GPD2: variants seen among roughly 807,000 people sequenced by gnomAD.
The protein encoded by GPD2 is glycerol-3-phosphate dehydrogenase, mitochondrial.
In GPD2, 54 loss-of-function variants were observed where a neutral mutation model predicts 82.4. That is an observed-to-expected ratio of 0.66 (90% CI 0.53 to 0.82). The LOEUF is 0.82. Ranked by LOEUF, GPD2 falls within the 40% of genes least tolerant of loss-of-function variation. The pLI, the probability that GPD2 is intolerant of heterozygous loss-of-function variation, is 0.00. For synonymous variants in GPD2, 288 were observed against 306.1 expected (o/e 0.94, Z 0.62); for missense variants, 748 against 896.2 (o/e 0.83, Z 2.11).
chr2:156,424,467 T>C, the GPD2 span, among the ~76,000 whole-genome samples: 1 of 152,172 alleles, frequency 6.6e-6, no homozygotes, highest in African/African-American at 2.4e-5. Context: ...TCTCATATTA[T>C]CCTGCAACTG....
intron 2 of GPD2, among the ~76,000 whole-genome samples, chr2:156,479,930 T>C (rs962447580): frequency 2.6e-5 from 4 of 152,188 alleles, no homozygotes; most frequent in African/African-American, 9.7e-5. Context: ...AGTACTGCGA[T>C]ATAAGCATTT....
At chr2:156,479,444 A>G (rs911988403) in intron 2 of GPD2, among the ~76,000 whole-genome samples, 9 of 152,158 alleles carry the variant, frequency 5.9e-5, no homozygotes, top group African/African-American at 2.2e-4. Context: ...CATATTAACA[A>G]TGCTATTACT....
intron 1 of GPD2, among the ~76,000 whole-genome samples, chr2:156,459,058 T>G (rs1021574883): frequency 6.6e-6 from 1 of 152,044 alleles, no homozygotes; most frequent in Non-Finnish European, 1.5e-5. Context: ...TTTATTTACT[T>G]TTGTTCTCTT....
intron 1 of GPD2, among the ~76,000 whole-genome samples, chr2:156,448,897 T>A (rs1682457561): frequency 6.6e-6 from 1 of 152,234 alleles, no homozygotes; most frequent in East Asian, 1.9e-4. Context: ...GTGCCAAAAT[T>A]AAGGAGTTAG....
chr2:156,496,228 TTTTTTTA>T lies in GPD2; in HGVS notation c.274+18_274+24del. ...GCTGTCACCAGAGGTAAGTCTTTTTTTTTTTTATTTTAATTTTAAGTTCTGGGGTACA... is the reference window on the plus strand; with the variant it reads ...GCTGTCACCAGAGGTAAGTCTTTTTTTTTTAATTTTAAGTTCTGGGGTACA... On this transcript the variant is annotated intron_variant, in intron 3 of 16. Transcript: ENST00000438166. The T allele has an allele frequency of 6.3e-7, 1 of 1,586,634 alleles. No individual in the cohort carries two copies. Among genetic ancestry groups the T allele is most frequent in the Non-Finnish European group, 8.6e-7 (1 of 1,156,970 alleles).
upstream of GPD2, among the ~76,000 whole-genome samples, chr2:156,431,472 G>A (rs537477944): frequency 6.6e-6 from 1 of 151,392 alleles, no homozygotes; most frequent in African/African-American, 2.4e-5. Context: ...AGAAGGGAAG[G>A]TTTTTGTTTT....
At chr2:156,546,764 T>G (rs924674289) in intron 6 of GPD2, among the ~76,000 whole-genome samples, 2 of 152,226 alleles carry the variant, frequency 1.3e-5, no homozygotes, top group Non-Finnish European at 1.5e-5. Flanking sequence ...CTCCCACTTA[T>G]TTAACATAAA....
intron 3 of GPD2, among the ~76,000 whole-genome samples, chr2:156,503,154 G>A (rs1339609426): frequency 6.6e-6 from 1 of 152,200 alleles, no homozygotes; most frequent in Non-Finnish European, 1.5e-5. Flanking sequence ...CCTGGGCCCA[G>A]AGAGTGGTCA....
At chr2:156,464,397 T>A (rs1244887904) in intron 1 of GPD2, among the ~76,000 whole-genome samples, 1 of 152,204 alleles carries the variant, frequency 6.6e-6, no homozygotes, top group East Asian at 1.9e-4. Context: ...TTGTTGTAGT[T>A]CCATTTATAC....
chr2:156,484,866 CAAAA>C (rs1360737144), intron 2 of GPD2, among the ~76,000 whole-genome samples: 1 of 152,064 alleles, frequency 6.6e-6, no homozygotes, highest in Non-Finnish European at 1.5e-5. Context: ...CAAACAAAAA[CAAAA>C]CCCAATTCTT....
In GPD2 at chr2:156,550,737, G is replaced by T. The variant is rs1175758124; in HGVS notation, c.962G>T (p.Gly321Val). 6.2e-7 allele frequency: 1 copy of T among 1,613,326 alleles called. No individual in the cohort carries two copies. Among genetic ancestry groups the T allele is most frequent in the Non-Finnish European group, 8.5e-7 (1 of 1,179,338 alleles). Residue 321 changes from glycine to valine, a missense_variant, in exon 8 of 17, where the codon GGT becomes GTT. This residue lies in a region of GPD2 where 692 missense variants were observed against 809.7 expected (regional missense o/e 0.85). Coordinates refer to ENST00000438166, the MANE Select transcript of GPD2 (RefSeq NM_000408.5). ...PSAGVHIVMP[G>V]YYSPESMGLL... ...GCTGGTGTCCATATTGTGATGCCTG[G>T]TTATTACAGGTAATTGTCTTCCAAT...
intron 2 of GPD2, among the ~76,000 whole-genome samples, chr2:156,482,922 G>A (rs1683787354): frequency 6.6e-6 from 1 of 152,102 alleles, no homozygotes; most frequent in African/African-American, 2.4e-5. Context: ...TTATGCTAAT[G>A]AGAGGCAAAG....
intron 1 of GPD2, among the ~76,000 whole-genome samples, chr2:156,466,505 A>G (rs1377667936): frequency 6.6e-6 from 1 of 152,242 alleles, no homozygotes; most frequent in Non-Finnish European, 1.5e-5. Context: ...TAGAAATGGT[A>G]GAAAGCATAA....
intron 1 of GPD2, among the ~76,000 whole-genome samples, chr2:156,440,480 G>A (rs1447096443): frequency 6.6e-6 from 1 of 152,194 alleles, no homozygotes; most frequent in Admixed American, 6.5e-5. Context: ...TGATGTGAAT[G>A]TGACCATGTT....
chr2:156,545,546 T>C (rs1035873751), intron 6 of GPD2, among the ~76,000 whole-genome samples: 1 of 152,218 alleles, frequency 6.6e-6, no homozygotes, highest in African/African-American at 2.4e-5. Context: ...GCTATTCTAA[T>C]TGAGAAGTAC....
At chr2:156,498,259 G>A (rs959662145) in intron 3 of GPD2, among the ~76,000 whole-genome samples, 5 of 152,116 alleles carry the variant, frequency 3.3e-5, no homozygotes, top group East Asian at 1.9e-4. Flanking sequence ...AGTTGGTACC[G>A]TTAGTGTGCC....
intron 15 of GPD2, among the ~76,000 whole-genome samples, chr2:156,579,470 A>G (rs2105379013): frequency 6.6e-6 from 1 of 151,794 alleles, no homozygotes; most frequent in Non-Finnish European, 1.5e-5. Context: ...CTGGGACTAC[A>G]AGTGCGCACC....
At chr2:156,529,363 G>A (rs1291622034) in intron 6 of GPD2, among the ~76,000 whole-genome samples, 3 of 138,662 alleles carry the variant, frequency 2.2e-5, no homozygotes, top group Admixed American at 7.3e-5. Flanking sequence ...AGTAGGTTGC[G>A]AAAATTTTCT....
intron 2 of GPD2, among the ~76,000 whole-genome samples, chr2:156,479,487 T>G (rs1453825489): frequency 6.6e-6 from 1 of 152,238 alleles, no homozygotes; most frequent in Non-Finnish European, 1.5e-5. Context: ...TGCCCACTGT[T>G]GAGCCAAGTG....
Sources: allele counts gnomAD v4.1 joint callset (sites outside exome capture counted in the v4.1 genomes callset), GRCh38; gene constraint gnomAD v4.1.1; regional missense constraint gnomAD v4.1.1; transcripts MANE v1.5; gene names NCBI Gene and HGNC (gene_info 2026-07-23, HGNC 2026-07-21).